The following ATXN2 variants were observed in gnomAD, a reference collection of about 807,000 sequenced individuals.
ATXN2 encodes the protein ataxin 2.
In ATXN2, 37 loss-of-function variants were observed where a neutral mutation model predicts 138.6. The ratio of observed to expected loss-of-function variants is 0.27; its 90% CI spans 0.21 to 0.35. The LOEUF (loss-of-function observed/expected upper bound fraction) is 0.35. Ranked by LOEUF, ATXN2 falls within the 10% of genes least tolerant of loss-of-function variation. ATXN2 has a pLI of 1.00. For missense variants in ATXN2, 1,216 were observed against 1,480.3 expected (o/e 0.82, Z 2.93); for synonymous variants, 549 against 543.7 (o/e 1.01, Z -0.13).
In ATXN2 at chr12:111,553,604, A is replaced by ATTTTTTTTTTTTTT. The variant is rs745560171; in HGVS notation, c.348+553_348+554insAAAAAAAAAAAAAA. Among the ~76,000 whole-genome samples the ATTTTTTTTTTTTTT allele has an allele frequency of 4.7e-3, 401 of 84,972 alleles. 66 individuals carry two copies. The highest frequency in any genetic ancestry group is 0.029 in the African/African-American group (379 of 13,220). 55.7% of individuals were successfully genotyped at this position (84,972 alleles called of 152,430 possible). On this transcript the variant is annotated intron_variant, in intron 3 of 24. Transcript: ENST00000673436. ...AAAAAAAAAAAAAAAAAAAAAAAAA[A>ATTTTTTTTTTTTTT]TTTTTTTTTTTGAGAAGGGGTCTGT...
At chr12:111,485,092 T>C (rs1312373257) in intron 18 of ATXN2, 173 bp downstream of exon 18, 2 of 570,910 alleles carry the variant, frequency 3.5e-6, no homozygotes, top group Non-Finnish European at 3.1e-6. Flanking sequence ...TTCTCCCCTG[T>C]TTTTCTTCAT....
Position 111,513,255 on chromosome 12 carries a change from T to C in ATXN2, c.1558+102A>G. 4.5e-6 allele frequency: 6 copies of C among 1,325,528 alleles called. 1 individual carries two copies. The highest frequency in any genetic ancestry group is 5.1e-5 in the East Asian group (2 of 39,268). The allele number at this position is 1,325,528 out of a possible 1,614,324, so 82.1% of individuals were successfully genotyped here. ...CCTGGTGATTCTACTATTTTTAACA[T>C]ATACATACTTACACTTCCTCAAACA... On this transcript the variant is annotated intron_variant, in intron 11 of 24. Transcript: ENST00000673436.
rs1269742546 is a variant in ATXN2 at position 111,598,159 on chromosome 12, C to CG, written c.251+624dup. ...CCTCGGACACGAACGCAGAGGGGTG[C>CG]GGGGGCCAAGGCCCACTTGTCTCCA... On this transcript the variant is annotated intron_variant, in intron 1 of 24. Transcript: ENST00000673436. This position sits in a 1 kb window ranked among gnomAD's most constrained non-coding sequence, Gnocchi z 4.5. 1 of 1,098,378 alleles carries CG rather than the reference C, an allele frequency of 9.1e-7. No homozygotes were observed. The highest frequency in any genetic ancestry group is 1.1e-6 in the Non-Finnish European group (1 of 892,902). The allele number at this position is 1,098,378 out of a possible 1,614,324, so 68.0% of individuals were successfully genotyped here. A position where few individuals can be genotyped will look rare whatever the true frequency, so the allele number is the denominator to read the frequency against.
At chr12:111,454,210 C>A (rs1874889383) in intron 23 of ATXN2, 1 of 170,814 alleles carries the variant, frequency 5.9e-6, no homozygotes, top group African/African-American at 2.4e-5. Context: ...ATACAAGATT[C>A]AATGATGCTT....
intron 1 of ATXN2, among the ~76,000 whole-genome samples, chr12:111,589,071 T>A (rs1884511500): frequency 1.4e-5 from 2 of 143,786 alleles, no homozygotes; most frequent in Admixed American, 1.4e-4. Flanking sequence ...TCCCAGCACT[T>A]TGGGAGGACG....
chr12:111,572,002 ACT>A (rs1329513469), intron 1 of ATXN2, among the ~76,000 whole-genome samples: 1 of 133,482 alleles, frequency 7.5e-6, no homozygotes, highest in Non-Finnish European at 1.6e-5. Flanking sequence ...ACACAGCAAG[ACT>A]CTGTCTCAAA....
At chr12:111,501,527 T>C (rs549487369) in intron 14 of ATXN2, among the ~76,000 whole-genome samples, 1 of 152,164 alleles carries the variant, frequency 6.6e-6, no homozygotes, top group Non-Finnish European at 1.5e-5. Context: ...CCAATTTCAA[T>C]GGTTTCATTA....
chr12:111,465,767 C>CAAAAAA (rs61456193), intron 20 of ATXN2, among the ~76,000 whole-genome samples: 11 of 36,262 alleles, frequency 3.0e-4, no homozygotes, highest in East Asian at 7.6e-4. Flanking sequence ...GAGACTACCT[C>CAAAAAA]AAAAAAAAAA....
intron 14 of ATXN2, among the ~76,000 whole-genome samples, chr12:111,505,932 A>C (rs1879077941): frequency 1.3e-5 from 2 of 152,244 alleles, no homozygotes. Flanking sequence ...AACAGTGAGA[A>C]CACCACAAAT....
chr12:111,485,152 T>C (rs943727818), intron 18 of ATXN2, 113 bp downstream of exon 18: 20 of 946,480 alleles, frequency 2.1e-5, no homozygotes, highest in Admixed American at 5.9e-5. Flanking sequence ...AGCCAATGCA[T>C]AGCCTCATCA....
chr12:111,456,237 G>C lies in ATXN2; in HGVS notation c.3062C>G (p.Ala1021Gly). The C allele has an allele frequency of 6.2e-7, 1 of 1,614,242 alleles. No individual in the cohort carries two copies. Among genetic ancestry groups the C allele is most frequent in the East Asian group, 2.2e-5 (1 of 44,890 alleles). ...TGGACTGGCCAGATGGAGAGCCTGG[G>C]CGGCCTGGTGCTGATGGTGCTGCAA... ...SPVQHHQHQAAQALHLASPQQ... is the reference protein window; with the variant it reads ...SPVQHHQHQAGQALHLASPQQ... The change falls in exon 23 of 25, where the codon GCC becomes GGC. Residue 1021 changes from alanine (A) to glycine (G), a missense_variant. Ala to Gly is a moderately conservative substitution (Grantham distance 60). Coordinates refer to ENST00000673436, the MANE Select transcript of ATXN2 (RefSeq NM_001372574.1).
Position 111,555,869 on chromosome 12 carries a change from T to C in ATXN2, c.288+14A>G, listed in dbSNP as rs570736371. On this transcript the variant is annotated intron_variant, in intron 2 of 24. Coordinates refer to ENST00000673436, the MANE Select transcript of ATXN2 (RefSeq NM_001372574.1). ...TACTAATTTTCCCCAATAAGTAACA[T>C]TAAAGTTACTCACCGTAGACTGAGG... is the stretch of plus-strand genomic sequence containing the variant. 3.1e-6 allele frequency: 5 copies of C among 1,593,518 alleles called. No homozygotes were observed. Among genetic ancestry groups the C allele is most frequent in the Non-Finnish European group, 4.3e-6 (5 of 1,170,614 alleles).
At chr12:111,528,248 G>A (rs780352627) in intron 5 of ATXN2, among the ~76,000 whole-genome samples, 16 of 152,056 alleles carry the variant, frequency 1.1e-4, no homozygotes, top group South Asian at 2.1e-4. Context: ...CCATATAAAC[G>A]GATTTTTTTC....
At chr12:111,533,150 G>A (rs1332428681) in intron 5 of ATXN2, among the ~76,000 whole-genome samples, 6 of 152,210 alleles carry the variant, frequency 3.9e-5, no homozygotes, top group Admixed American at 1.3e-4. Context: ...ATGCTACAAC[G>A]CCGTGGAGGT....
chr12:111,576,725 C>A (rs558835066), intron 1 of ATXN2, among the ~76,000 whole-genome samples: 18 of 151,550 alleles, frequency 1.2e-4, no homozygotes, highest in Non-Finnish European at 2.1e-4. Context: ...TTTGGGAGGC[C>A]GAGGCGGGCG....
At chr12:111,503,552 T>A (rs1357082118) in intron 14 of ATXN2, among the ~76,000 whole-genome samples, 1 of 151,230 alleles carries the variant, frequency 6.6e-6, no homozygotes, top group Non-Finnish European at 1.5e-5. Flanking sequence ...CACTCTTTTA[T>A]TTTTTTTTAA....
chr12:111,570,686 T>C (rs1403875010), intron 1 of ATXN2, among the ~76,000 whole-genome samples: 1 of 152,170 alleles, frequency 6.6e-6, no homozygotes, highest in Non-Finnish European at 1.5e-5. Context: ...TCTCATTATT[T>C]TGAAGCCCTT....
At chr12:111,504,999 G>A (rs1339076355) in intron 14 of ATXN2, among the ~76,000 whole-genome samples, 3 of 152,166 alleles carry the variant, frequency 2.0e-5, no homozygotes, top group Admixed American at 6.5e-5. Context: ...TGAGGTGGGC[G>A]TGTCACTTGA....
intron 20 of ATXN2, chr12:111,469,272 G>A (rs1313071639): frequency 6.6e-6 from 1 of 151,974 alleles, no homozygotes; most frequent in Admixed American, 6.6e-5. Context: ...GAAATATTCA[G>A]AACAAAACAT....
Sources: allele counts gnomAD v4.1 joint callset (sites outside exome capture counted in the v4.1 genomes callset), GRCh38; gene constraint gnomAD v4.1.1; non-coding constraint Gnocchi (gnomAD v3.1); transcripts MANE v1.5; gene names NCBI Gene and HGNC (gene_info 2026-07-23, HGNC 2026-07-21).